The following DDX19B variants were observed in gnomAD, a reference collection of about 807,000 sequenced individuals.
DDX19B encodes the protein DEAD-box helicase 19B.
DDX19B carries 27 observed loss-of-function variants against 58.1 expected under a neutral mutation model. The ratio of observed to expected loss-of-function variants is 0.46; its 90% CI spans 0.34 to 0.64. The LOEUF is 0.64. Among genes scored for constraint, DDX19B ranks in the 30% least tolerant of loss-of-function variants. DDX19B has a pLI of 0.01. For synonymous variants in DDX19B, 187 were observed against 214.4 expected, an observed-to-expected ratio of 0.87 and a Z score of 1.12; for missense variants, 399 against 596.5, an observed-to-expected ratio of 0.67 and a Z score of 3.45.
At chr16:70,294,989 G>A, upstream of DDX19B, 1 of 1,395,640 alleles carries the variant, frequency 7.2e-7, no homozygotes, top group Non-Finnish European at 9.3e-7. Flanking sequence ...CCCTACTCCT[G>A]GGTAGAGGAA....
chr16:70,324,682 C>A lies in DDX19B; in HGVS notation c.487C>A (p.Pro163Thr). The A allele has an allele frequency of 6.2e-7, 1 of 1,610,888 alleles. No homozygotes were observed. Among genetic ancestry groups the A allele is most frequent in the Non-Finnish European group, 8.5e-7 (1 of 1,179,216 alleles). ...CCAAGTAGAACCTGCAAACAAATAC[C>A]CCCAGGTAAGGATTTATGAATTTAG... is the stretch of plus-strand genomic sequence containing the variant. ...LSQVEPANKY[P>T]QCLCLSPTYE... Residue 163 changes from proline (P) to threonine (T), a missense_variant, in exon 6 of 12, where the codon CCC (proline) becomes ACC (threonine). By Grantham distance (38) the Pro-to-Thr change is conservative. Coordinates refer to ENST00000288071, the MANE Select transcript of DDX19B (RefSeq NM_007242.7).
At chr16:70,331,493 T>C (rs1963476121) in intron 9 of DDX19B, among the ~76,000 whole-genome samples, 1 of 152,214 alleles carries the variant, frequency 6.6e-6, no homozygotes, top group Admixed American at 6.5e-5. Flanking sequence ...TTTTTTGAGA[T>C]GGGTTCTTGC....
intron 6 of DDX19B, 72 bp downstream of exon 6, chr16:70,324,759 G>A (rs189387666): frequency 1.0e-5 from 15 of 1,452,744 alleles, no homozygotes; most frequent in Non-Finnish European, 1.2e-5. Context: ...TGGATTAAAA[G>A]ACAAGCTATG....
chr16:70,318,054 G>C (rs189199611), intron 5 of DDX19B: 1 of 143,434 alleles, frequency 7.0e-6, no homozygotes, highest in African/African-American at 2.7e-5. Context: ...GACAGAGCGA[G>C]ACTTTGTCTC....
upstream of DDX19B, among the ~76,000 whole-genome samples, chr16:70,296,537 C>T (rs1398926619): frequency 4.6e-5 from 7 of 152,016 alleles, no homozygotes; most frequent in South Asian, 2.1e-4. Flanking sequence ...CTACTATATA[C>T]GGTCCTGCAA....
upstream of DDX19B, among the ~76,000 whole-genome samples, chr16:70,290,308 C>A (rs1410366244): frequency 6.6e-6 from 1 of 151,990 alleles, no homozygotes; most frequent in Non-Finnish European, 1.5e-5. Flanking sequence ...GAGGCTGAGG[C>A]CAACGGATGA....
chr16:70,323,270 CTA>C lies in DDX19B; in HGVS notation c.390-1314_390-1313del, dbSNP rs1962949888. Among the ~76,000 whole-genome samples the C allele has an allele frequency of 2.0e-5, 3 of 152,066 alleles. No individual in the cohort carries two copies. In the South Asian group the frequency reaches 6.2e-4, roughly 32 times the overall value. ...TTCAGGTATGTACCACCATGTCCAGCTAATGTTTGTATCTTTTGTAGAGAAAG... is the reference window on the plus strand; with the variant it reads ...TTCAGGTATGTACCACCATGTCCAGCATGTTTGTATCTTTTGTAGAGAAAG... On this transcript the variant is annotated intron_variant, in intron 5 of 11. Coordinates refer to ENST00000288071, the MANE Select transcript of DDX19B (RefSeq NM_007242.7).
chr16:70,324,584 G>A lies in DDX19B; in HGVS notation c.390-1G>A. The A allele has an allele frequency of 1.2e-6, 2 of 1,612,488 alleles. No individual in the cohort carries two copies. Among genetic ancestry groups the A allele is most frequent in the Non-Finnish European group, 1.7e-6 (2 of 1,179,640 alleles). On this transcript the variant is annotated splice_acceptor_variant, in intron 5 of 11. Transcript: ENST00000288071. LOFTEE classifies it high-confidence loss of function. ...TCCTAACTAGTTTGTTTCTTGCGCA[G>A]CCCACAGAACTTAATTGCCCAATCT...
intron 1 of DDX19B, among the ~76,000 whole-genome samples, chr16:70,310,213 T>G (rs1167549880): frequency 6.6e-6 from 1 of 152,134 alleles, no homozygotes. Context: ...AAACCCTGTC[T>G]CTATTAAAAA....
chr16:70,321,110 G>A (rs980301836), intron 5 of DDX19B, among the ~76,000 whole-genome samples: 3 of 151,632 alleles, frequency 2.0e-5, no homozygotes, highest in African/African-American at 7.3e-5. Context: ...TTACAGGCAT[G>A]TGCCACCATG....
intron 1 of DDX19B, among the ~76,000 whole-genome samples, chr16:70,305,927 A>AT (rs994472068): frequency 1.0e-3 from 158 of 151,536 alleles, no homozygotes; most frequent in African/African-American, 3.5e-3. Flanking sequence ...TGCCCAGCTA[A>AT]TTTTTTTGTA....
intron 1 of DDX19B, among the ~76,000 whole-genome samples, chr16:70,309,647 G>A (rs886340912): frequency 1.8e-4 from 27 of 151,218 alleles, no homozygotes; most frequent in African/African-American, 5.8e-4. Context: ...GTGAAACCCC[G>A]TCTCTACTAA....
chr16:70,328,418 A>G lies in DDX19B; in HGVS notation c.608-874A>G, dbSNP rs1028675935. Among the ~76,000 whole-genome samples the G allele has an allele frequency of 8.8e-5, 12 of 136,448 alleles. 1 individual carries two copies. Among genetic ancestry groups the G allele is most frequent in the Admixed American group, 2.4e-4 (3 of 12,390 alleles). The allele number at this position is 136,448 out of a possible 152,430, so 89.5% of individuals were successfully genotyped here. ...TCAGTCTGTCTCCGGGCTGGAGTGC[A>G]GTGGCGCGATCTCGGCTCACTGCAA... On this transcript the variant is annotated intron_variant, in intron 7 of 11. Coordinates refer to ENST00000288071, the MANE Select transcript of DDX19B (RefSeq NM_007242.7).
intron 1 of DDX19B, among the ~76,000 whole-genome samples, chr16:70,304,897 A>G (rs534540419): frequency 6.6e-6 from 1 of 152,064 alleles, no homozygotes; most frequent in African/African-American, 2.4e-5. Context: ...TTTACAGACA[A>G]TACCCTGTAC....
At chr16:70,316,592 G>C (rs1461053007) in intron 4 of DDX19B, among the ~76,000 whole-genome samples, 1 of 152,192 alleles carries the variant, frequency 6.6e-6, no homozygotes, top group East Asian at 1.9e-4. Flanking sequence ...AAGGTGAGAG[G>C]ATCACTTGAG....
upstream of DDX19B, among the ~76,000 whole-genome samples, chr16:70,298,233 C>T (rs1961303814): frequency 6.6e-6 from 1 of 151,984 alleles, no homozygotes; most frequent in Non-Finnish European, 1.5e-5. Context: ...TGGTGAAACA[C>T]CATCTCTATT....
upstream of DDX19B, chr16:70,290,101 TATACATATAC>T (rs1231291293): frequency 3.7e-5 from 9 of 240,610 alleles, no homozygotes; most frequent in Admixed American, 4.6e-4. Context: ...AATATATATA[TATACATATAC>T]ATATATACAT....
At chr16:70,320,803 C>T (rs977081938) in intron 5 of DDX19B, among the ~76,000 whole-genome samples, 3 of 151,570 alleles carry the variant, frequency 2.0e-5, no homozygotes, top group Non-Finnish European at 2.9e-5. Context: ...GTGATCCAGC[C>T]GCCTTGGCCT....
At chr16:70,308,493 T>G (rs1356037656) in intron 1 of DDX19B, among the ~76,000 whole-genome samples, 1 of 152,108 alleles carries the variant, frequency 6.6e-6, no homozygotes, top group Non-Finnish European at 1.5e-5. Flanking sequence ...TGCCTCAGCC[T>G]CCCAAAGCTC....
Sources: gnomAD v4.1 joint callset for allele counts (sites outside exome capture counted in the v4.1 genomes callset) on GRCh38, gnomAD v4.1.1 for gene constraint, MANE v1.5 for transcripts, NCBI Gene and HGNC (gene_info 2026-07-23, HGNC 2026-07-21) for gene names.